MIPOL1: variants seen among roughly 807,000 people sequenced by gnomAD.
MIPOL1 encodes mirror-image polydactyly 1.
A neutral mutation model predicts 60.9 loss-of-function variants in MIPOL1; 57 were observed. The ratio of observed to expected loss-of-function variants is 0.94; its 90% CI spans 0.76 to 1.17. The LOEUF (loss-of-function observed/expected upper bound fraction) is 1.17, where lower values mean the gene tolerates loss of function less well. Ranked by LOEUF, MIPOL1 falls within the 50% of genes most tolerant of loss-of-function variation. The pLI is 0.00. For synonymous variants in MIPOL1, 179 were observed against 168.8 expected, an observed-to-expected ratio of 1.06 and a Z score of -0.47; for missense variants, 551 against 511.6, an observed-to-expected ratio of 1.08 and a Z score of -0.74.
chr14:37,522,684 AG>A (rs1402450880), intron 12 of MIPOL1, among the ~76,000 whole-genome samples: 2 of 152,178 alleles, frequency 1.3e-5, no homozygotes, highest in Non-Finnish European at 2.9e-5. Flanking sequence ...ATCCAAAAAA[AG>A]TATGTTGTGA....
At chr14:37,367,819 C>A (rs1320996899) in intron 9 of MIPOL1, among the ~76,000 whole-genome samples, 2 of 151,898 alleles carry the variant, frequency 1.3e-5, no homozygotes, top group Admixed American at 6.6e-5. Context: ...ATCGTGAGTA[C>A]ACACGATAGT....
chr14:37,471,477 A>C (rs965107410), intron 11 of MIPOL1, among the ~76,000 whole-genome samples: 1 of 152,200 alleles, frequency 6.6e-6, no homozygotes, highest in Non-Finnish European at 1.5e-5. Flanking sequence ...GTGAGGCTTA[A>C]CAGTTAGAGA....
intron 9 of MIPOL1, among the ~76,000 whole-genome samples, chr14:37,338,293 G>C (rs1444344004): frequency 3.4e-5 from 5 of 149,176 alleles, no homozygotes; most frequent in Non-Finnish European, 7.4e-5. Flanking sequence ...TTTTTTTTTA[G>C]TACAGACCAG....
chr14:37,236,271 T>TTTTTTTAA (rs1191597575), intron 1 of MIPOL1, among the ~76,000 whole-genome samples: 2 of 151,994 alleles, frequency 1.3e-5, no homozygotes, highest in Non-Finnish European at 2.9e-5. Context: ...GAGTCATATG[T>TTTTTTTAA]CATTGTGGTT....
chr14:37,316,622 T>C (rs2087935003), intron 9 of MIPOL1, among the ~76,000 whole-genome samples: 1 of 149,774 alleles, frequency 6.7e-6, no homozygotes, highest in Non-Finnish European at 1.5e-5. Flanking sequence ...CTTTTTTTAA[T>C]GGGATGTTCT....
intron 10 of MIPOL1, among the ~76,000 whole-genome samples, chr14:37,389,000 A>C (rs750537522): frequency 2.6e-5 from 4 of 152,142 alleles, no homozygotes; most frequent in Non-Finnish European, 5.9e-5. Context: ...AAATAAAAAC[A>C]GAAATTCTAG....
chr14:37,332,207 C>G (rs2089754565), intron 9 of MIPOL1, among the ~76,000 whole-genome samples: 1 of 151,598 alleles, frequency 6.6e-6, no homozygotes, highest in Non-Finnish European at 1.5e-5. Context: ...CATTTATGGC[C>G]TTTGTCATGT....
intron 1 of MIPOL1, among the ~76,000 whole-genome samples, chr14:37,224,929 A>G (rs1969446578): frequency 6.6e-6 from 1 of 152,234 alleles, no homozygotes; most frequent in African/African-American, 2.4e-5. Context: ...GGGCAAATAC[A>G]GCTATTCCAA....
chr14:37,442,061 A>T (rs1384087582), intron 11 of MIPOL1, among the ~76,000 whole-genome samples: 1 of 150,806 alleles, frequency 6.6e-6, no homozygotes, highest in African/African-American at 2.4e-5. Flanking sequence ...TTGTAGGTTG[A>T]AAAAGTTTCA....
At chr14:37,504,516 T>A (rs1174898545) in intron 12 of MIPOL1, 2 of 152,002 alleles carry the variant, frequency 1.3e-5, no homozygotes, top group African/African-American at 4.8e-5. Context: ...ACTGGGTAAA[T>A]AACGAAATGA....
At chr14:37,440,077 G>A (rs2094218078) in intron 11 of MIPOL1, among the ~76,000 whole-genome samples, 1 of 152,064 alleles carries the variant, frequency 6.6e-6, no homozygotes, top group African/African-American at 2.4e-5. Context: ...GAACTCCTGG[G>A]CTCAAGTGCT....
intron 9 of MIPOL1, among the ~76,000 whole-genome samples, chr14:37,320,164 G>T (rs2088412473): frequency 6.6e-6 from 1 of 152,074 alleles, no homozygotes; most frequent in Non-Finnish European, 1.5e-5. Context: ...TATTTATTTT[G>T]ATACATATAC....
chr14:37,481,197 C>T (rs944857122), intron 11 of MIPOL1, among the ~76,000 whole-genome samples: 7 of 151,940 alleles, frequency 4.6e-5, no homozygotes, highest in African/African-American at 1.5e-4. Context: ...AATCAACACC[C>T]CGAAATCCAT....
chr14:37,417,581 T>C (rs1040770249), intron 10 of MIPOL1, among the ~76,000 whole-genome samples: 2 of 152,198 alleles, frequency 1.3e-5, no homozygotes, highest in African/African-American at 4.8e-5. Flanking sequence ...TTGGGTATCG[T>C]TACACAAGTT....
chr14:37,491,691 T>C (rs1464752728), intron 11 of MIPOL1, among the ~76,000 whole-genome samples: 1 of 152,142 alleles, frequency 6.6e-6, no homozygotes, highest in Non-Finnish European at 1.5e-5. Context: ...AATAAATATA[T>C]TGACAACTTA....
intron 11 of MIPOL1, among the ~76,000 whole-genome samples, chr14:37,474,557 A>G (rs949070821): frequency 1.8e-4 from 27 of 152,294 alleles, no homozygotes; most frequent in African/African-American, 6.0e-4. Flanking sequence ...TTCAGCCATG[A>G]TTATGAGGTC....
intron 12 of MIPOL1, among the ~76,000 whole-genome samples, chr14:37,513,642 G>A (rs1450648286): frequency 6.6e-6 from 1 of 152,070 alleles, no homozygotes; most frequent in Non-Finnish European, 1.5e-5. Flanking sequence ...TTTAAACCTA[G>A]ACTCTGTATT....
At chr14:37,308,783 T>G (rs577702297) in intron 9 of MIPOL1, among the ~76,000 whole-genome samples, 1 of 152,294 alleles carries the variant, frequency 6.6e-6, no homozygotes, top group Admixed American at 6.5e-5. Context: ...ACTAACTTGT[T>G]ATAGAAATTG....
At chr14:37,202,779 C>A (rs915695006) in intron 1 of MIPOL1, among the ~76,000 whole-genome samples, 1 of 152,168 alleles carries the variant, frequency 6.6e-6, no homozygotes, top group African/African-American at 2.4e-5. Flanking sequence ...CCATTGTTGA[C>A]TTCTGGGACA....
Sources: gnomAD v4.1 joint callset for allele counts (sites outside exome capture counted in the v4.1 genomes callset) on GRCh38, gnomAD v4.1.1 for gene constraint, MANE v1.5 for transcripts, NCBI Gene and HGNC (gene_info 2026-07-23, HGNC 2026-07-21) for gene names.